Variants in ZNF577 observed in about 807,000 individuals in gnomAD.
The protein encoded by ZNF577 is zinc finger protein 577.
ZNF577 carries 14 observed loss-of-function variants against 13.9 expected under a neutral mutation model. That is an observed-to-expected ratio of 1.00 (90% CI 0.66 to 1.57). The LOEUF is 1.57. ZNF577 is among the 40% of genes most tolerant of loss of function. ZNF577 has a pLI of 0.00. For missense variants in ZNF577, 555 were observed against 579.2 expected (o/e 0.96, Z 0.43); for synonymous variants, 203 against 202.9 (o/e 1.00, Z 0.00).
At chr19:51,886,048 C>T (rs1175080119) in intron 1 of ZNF577, 1 of 151,924 alleles carries the variant, frequency 6.6e-6, no homozygotes, top group Admixed American at 6.6e-5. Context: ...AGAATGTGTA[C>T]CTTAGGATTT....
chr19:51,821,368 TA>T (rs1156885381), intron 9 of ZNF577, among the ~76,000 whole-genome samples: 1 of 152,174 alleles, frequency 6.6e-6, no homozygotes, highest in Non-Finnish European at 1.5e-5. Flanking sequence ...TGACAATGTC[TA>T]TAGACACTTT....
At chr19:51,881,694 G>A (rs1599877558) in intron 1 of ZNF577, among the ~76,000 whole-genome samples, 1 of 152,146 alleles carries the variant, frequency 6.6e-6, no homozygotes, top group Middle Eastern at 3.4e-3. Flanking sequence ...TTACACTGCG[G>A]GGTGGCCACA....
downstream of ZNF577, among the ~76,000 whole-genome samples, chr19:51,864,467 T>C (rs1437484580): frequency 3.9e-5 from 6 of 152,058 alleles, no homozygotes; most frequent in Admixed American, 6.6e-5. Context: ...ATGTGGAGAA[T>C]AGAAACAAGA....
intron 5 of ZNF577, among the ~76,000 whole-genome samples, chr19:51,847,529 C>G (rs913013618): frequency 2.0e-5 from 3 of 152,144 alleles, no homozygotes; most frequent in Non-Finnish European, 4.4e-5. Flanking sequence ...ATCCTGACGG[C>G]CCCCTCCATC....
rs368117376 is a variant in ZNF577 at position 51,869,750 on chromosome 19, G to C, written c.*2782C>G. Among the ~76,000 whole-genome samples, 3 of 152,280 alleles carry C rather than the reference G, an allele frequency of 2.0e-5. No individual in the cohort carries two copies. Among genetic ancestry groups the C allele is most frequent in the African/African-American group, 7.2e-5 (3 of 41,558 alleles). On this transcript the variant is annotated 3_prime_UTR_variant, in exon 6 of 6. Coordinates refer to ENST00000638348, the MANE Select transcript of ZNF577 (RefSeq NM_001370449.1). ...GATGTGTGCCAGAAACCCCTACAGG[G>C]GCTAAACAGTCAAGACACACCAGCC...
chr19:51,874,533 G>C (rs1365906493), intron 5 of ZNF577, among the ~76,000 whole-genome samples: 1 of 151,952 alleles, frequency 6.6e-6, no homozygotes, highest in Non-Finnish European at 1.5e-5. Context: ...GGAATATCCT[G>C]AGCTTGAGTG....
chr19:51,825,963 C>G (rs1391904759), intron 9 of ZNF577: 1 of 166,944 alleles, frequency 6.0e-6, no homozygotes, highest in Non-Finnish European at 1.5e-5. Context: ...CTGGGGCTTT[C>G]TCTTTTTAAA....
At chr19:51,883,634 G>C (rs544653394) in intron 1 of ZNF577, among the ~76,000 whole-genome samples, 1 of 152,036 alleles carries the variant, frequency 6.6e-6, no homozygotes, top group Non-Finnish European at 1.5e-5. Flanking sequence ...AGGGGGAGCT[G>C]TTATAGAATT....
At chr19:51,834,677 C>T (rs892733838) in intron 9 of ZNF577, among the ~76,000 whole-genome samples, 1 of 143,858 alleles carries the variant, frequency 7.0e-6, no homozygotes, top group Non-Finnish European at 1.5e-5. Context: ...AAGCTAAAGA[C>T]AGTGTGCACA....
rs778102944 is a variant in ZNF577, at chr19:51,872,698, C to T, written c.1292G>A (p.Arg431His). The T allele has an allele frequency of 2.4e-5, 39 of 1,614,074 alleles. No individual in the cohort carries two copies. The highest frequency in any genetic ancestry group is 3.3e-4 in the Middle Eastern group (2 of 6,084). The change falls in exon 6 of 6, where the codon CGC becomes CAC. Residue 431 changes from arginine (R) to histidine (H), a missense_variant. Arg to His is a conservative substitution (Grantham distance 29). Transcript: ENST00000638348. ...AATCACTACATTTCTGCCCACTAGGCGCTCACTCTTGTTTAACAATGGCGG... is the reference window on the plus strand; with the variant it reads ...AATCACTACATTTCTGCCCACTAGGTGCTCACTCTTGTTTAACAATGGCGG... ...GTPPLLNKSE[R>H]LVGRNVVIVE...
At chr19:51,875,985 C>A (rs1363688020) in intron 5 of ZNF577, among the ~76,000 whole-genome samples, 1 of 152,082 alleles carries the variant, frequency 6.6e-6, no homozygotes, top group Non-Finnish European at 1.5e-5. Flanking sequence ...TGACCAGGCA[C>A]CGGAGTGATG....
intron 9 of ZNF577, among the ~76,000 whole-genome samples, chr19:51,819,060 C>T (rs575871463): frequency 4.5e-4 from 68 of 152,226 alleles, no homozygotes; most frequent in African/African-American, 1.6e-3. Context: ...TAGATATAAT[C>T]AATAGGACTT....
chr19:51,861,064 T>A, intron 5 of ZNF577: 1 of 379,460 alleles, frequency 2.6e-6, no homozygotes, highest in Non-Finnish European at 4.9e-6. Context: ...AAGCTTCTAG[T>A]TTTCTAATAA....
intron 9 of ZNF577, among the ~76,000 whole-genome samples, chr19:51,838,505 A>T (rs780401277): frequency 2.8e-4 from 42 of 149,446 alleles, no homozygotes; most frequent in Non-Finnish European, 4.9e-4. Context: ...ATTTTTTTTT[A>T]AAATAGCCAT....
At chr19:51,883,353 G>C (rs1329120694) in intron 1 of ZNF577, among the ~76,000 whole-genome samples, 1 of 151,438 alleles carries the variant, frequency 6.6e-6, no homozygotes, top group East Asian at 1.9e-4. Context: ...TTGAACTCTT[G>C]GCCTCAAGCA....
In ZNF577 at chr19:51,870,070, G is replaced by A. The variant is rs1599866570; in HGVS notation, c.*2462C>T. ...AGGATTAACATCCTAGGGGCATTGG[G>A]TCCAGTGCGTAGACTGAGCTTCATC... On this transcript the variant is annotated 3_prime_UTR_variant, in exon 6 of 6. Coordinates refer to ENST00000638348, the MANE Select transcript of ZNF577 (RefSeq NM_001370449.1). Among the ~76,000 whole-genome samples the A allele has an allele frequency of 6.6e-6, 1 of 152,238 alleles. No homozygotes were observed. Among genetic ancestry groups the A allele is most frequent in the African/African-American group, 2.4e-5 (1 of 41,460 alleles).
downstream of ZNF577, among the ~76,000 whole-genome samples, chr19:51,864,844 G>A (rs2084541947): frequency 6.6e-6 from 1 of 152,168 alleles, no homozygotes; most frequent in Non-Finnish European, 1.5e-5. Context: ...TACCAATGAT[G>A]AAGCACCCTT....
chr19:51,818,985 G>A (rs1399805171), intron 9 of ZNF577, among the ~76,000 whole-genome samples: 1 of 152,220 alleles, frequency 6.6e-6, no homozygotes, highest in East Asian at 1.9e-4. Flanking sequence ...ATCCAAGCCT[G>A]ACAGGGCCAT....
At chr19:51,877,605 A>C in intron 4 of ZNF577, 1 of 379,408 alleles carries the variant, frequency 2.6e-6, no homozygotes, top group Non-Finnish European at 4.7e-6. Context: ...GACAAACAAA[A>C]ACAGAAAATA....
Sources: allele counts gnomAD v4.1 joint callset (sites outside exome capture counted in the v4.1 genomes callset), GRCh38; gene constraint gnomAD v4.1.1; transcripts MANE v1.5; gene names NCBI Gene and HGNC (gene_info 2026-07-23, HGNC 2026-07-21).